The following ERBB4 variants were observed in gnomAD, a reference collection of about 807,000 sequenced individuals.
ERBB4 encodes the protein erb-b2 receptor tyrosine kinase 4, also known as receptor tyrosine-protein kinase erbB-4.
In ERBB4, 42 loss-of-function variants were observed where a neutral mutation model predicts 158.0. The ratio of observed to expected loss-of-function variants is 0.27; its 90% CI spans 0.21 to 0.34. The LOEUF is 0.34. Ranked by LOEUF, ERBB4 falls within the 10% of genes least tolerant of loss-of-function variation. ERBB4 has a pLI of 1.00. For missense variants in ERBB4, 1,333 were observed against 1,624.1 expected (o/e 0.82, Z 3.08); for synonymous variants, 583 against 558.7 (o/e 1.04, Z -0.61).
At chr2:211,662,958 C>T (rs546752303) in intron 15 of ERBB4, among the ~76,000 whole-genome samples, 18 of 152,164 alleles carry the variant, frequency 1.2e-4, no homozygotes, top group Non-Finnish European at 2.4e-4. Context: ...TGAGCTCACA[C>T]TTACTGATAG....
chr2:211,608,300 G>A lies in ERBB4; in HGVS notation c.2301+10877C>T, dbSNP rs573347514. Among the ~76,000 whole-genome samples the A allele has an allele frequency of 2.0e-5, 3 of 152,196 alleles. No individual in the cohort carries two copies. The South Asian group carries it at 6.2e-4, about 32-fold the overall frequency. On this transcript the variant is annotated intron_variant, in intron 19 of 27. Coordinates refer to ENST00000342788, the MANE Select transcript of ERBB4 (RefSeq NM_005235.3). ...CTCAGAAGAAACAAAACTTTTGACT[G>A]AACTGCCACAGGTATTGTTACATGT...
At position 211,470,936 on chromosome 2, in the gene ERBB4, G is replaced by A. The variant is rs1306311957; in HGVS notation, c.2488-39836C>T. Among the ~76,000 whole-genome samples the A allele has an allele frequency of 3.9e-5, 6 of 152,172 alleles. No homozygotes were observed. The East Asian group carries it at 9.6e-4, about 24-fold the overall frequency. On this transcript the variant is annotated intron_variant, in intron 20 of 27. Coordinates refer to ENST00000342788, the MANE Select transcript of ERBB4 (RefSeq NM_005235.3). ...TCTATTTCTCCATCTCCTTAAATCTGAGTGTGCCCTTCAACCATTTGGACA... is the reference window on the plus strand; with the variant it reads ...TCTATTTCTCCATCTCCTTAAATCTAAGTGTGCCCTTCAACCATTTGGACA...
intron 1 of ERBB4, among the ~76,000 whole-genome samples, chr2:212,327,724 T>C (rs866087787): frequency 0.026 from 933 of 36,174 alleles, 5 homozygotes; most frequent in African/African-American, 0.077. Flanking sequence ...TTTTTTCTTT[T>C]TTTCTTTTTT....
chr2:211,552,235 A>C (rs2067117805), intron 20 of ERBB4, among the ~76,000 whole-genome samples: 1 of 152,178 alleles, frequency 6.6e-6, no homozygotes, highest in South Asian at 2.1e-4. Context: ...AAAATTGAGA[A>C]AGTCTATTAA....
chr2:212,188,468 T>G (rs963042256), intron 1 of ERBB4, among the ~76,000 whole-genome samples: 1 of 151,680 alleles, frequency 6.6e-6, no homozygotes, highest in South Asian at 2.1e-4. Context: ...TTCTGTTCTC[T>G]CCACTGTAAC....
At chr2:211,978,396 G>GTCTGTCTTTCTATCTA (rs77259627) in intron 2 of ERBB4, among the ~76,000 whole-genome samples, 17 of 136,560 alleles carry the variant, frequency 1.2e-4, no homozygotes, top group East Asian at 2.1e-4. Context: ...CTGTCTGTCT[G>GTCTGTCTTTCTATCTA]TCTATCTATC....
intron 3 of ERBB4, among the ~76,000 whole-genome samples, chr2:211,906,130 T>G (rs2079386287): frequency 6.6e-6 from 1 of 152,022 alleles, no homozygotes; most frequent in South Asian, 2.1e-4. Flanking sequence ...AATAGACTGT[T>G]GGAAGGCAAG....
intron 1 of ERBB4, among the ~76,000 whole-genome samples, chr2:212,315,402 C>A (rs1366082147): frequency 6.6e-6 from 1 of 151,328 alleles, no homozygotes; most frequent in Non-Finnish European, 1.5e-5. Context: ...CACACATACA[C>A]AAGTATACAC....
intron 3 of ERBB4, among the ~76,000 whole-genome samples, chr2:211,852,792 T>C (rs1238401881): frequency 6.6e-6 from 1 of 151,930 alleles, no homozygotes; most frequent in East Asian, 1.9e-4. Context: ...GGGCTCCTAC[T>C]ACTTGCTGCA....
chr2:212,083,658 C>T (rs1292676260), intron 2 of ERBB4, among the ~76,000 whole-genome samples: 5 of 151,650 alleles, frequency 3.3e-5, no homozygotes, highest in Admixed American at 1.3e-4. Context: ...AAAACAATGC[C>T]AGACAAACCT....
rs945456739 is a variant in ERBB4 at position 212,130,252 on chromosome 2, C to T, written c.83-5349G>A. ...CAAAAATCCAAAATTTACATGTGAT[C>T]CCTAAAGTTTTCATTCCAAATGTAA... On this transcript the variant is annotated intron_variant, in intron 1 of 27. Transcript: ENST00000342788. Among the ~76,000 whole-genome samples, 3 of 152,062 alleles carry T rather than the reference C, an allele frequency of 2.0e-5. No homozygotes were observed. The East Asian group carries it at 5.8e-4, about 29-fold the overall frequency.
chr2:212,066,857 CTA>C (rs1372338742), intron 2 of ERBB4, among the ~76,000 whole-genome samples: 1 of 151,782 alleles, frequency 6.6e-6, no homozygotes, highest in Non-Finnish European at 1.5e-5. Flanking sequence ...TTTCCAATAG[CTA>C]TGAGTTCATT....
chr2:211,678,952 G>T, intron 13 of ERBB4, 100 bp downstream of exon 13: 1 of 1,132,030 alleles, frequency 8.8e-7, no homozygotes, highest in East Asian at 3.0e-5. Context: ...GGGCGACAGA[G>T]CGAGACTCCG....
intron 3 of ERBB4, among the ~76,000 whole-genome samples, chr2:211,868,990 T>C (rs1470588404): frequency 1.3e-5 from 2 of 152,216 alleles, no homozygotes; most frequent in Non-Finnish European, 2.9e-5. Context: ...ATAAACATCA[T>C]TATGTTGCTC....
chr2:212,009,132 T>TA (rs2076324610), intron 2 of ERBB4, among the ~76,000 whole-genome samples: 2 of 152,014 alleles, frequency 1.3e-5, no homozygotes, highest in African/African-American at 4.8e-5. Flanking sequence ...ATAACTTCTG[T>TA]AGTATGTTGA....
chr2:212,435,758 T>A (rs1029197914), intron 1 of ERBB4, among the ~76,000 whole-genome samples: 1 of 151,974 alleles, frequency 6.6e-6, no homozygotes, highest in African/African-American at 2.4e-5. Flanking sequence ...TAAGAAAACA[T>A]AGTCTTAAAA....
intron 1 of ERBB4, among the ~76,000 whole-genome samples, chr2:212,266,395 G>C (rs941235463): frequency 1.3e-5 from 2 of 151,878 alleles, no homozygotes; most frequent in Non-Finnish European, 1.5e-5. Flanking sequence ...ATCAAACAAG[G>C]ACTGTTGTTA....
At chr2:211,974,526 C>T (rs1285049458) in intron 2 of ERBB4, among the ~76,000 whole-genome samples, 1 of 152,202 alleles carries the variant, frequency 6.6e-6, no homozygotes, top group Non-Finnish European at 1.5e-5. Flanking sequence ...AGTCTTTCAT[C>T]TCTAAAGTGG....
chr2:212,492,295 G>A (rs1336587382), intron 1 of ERBB4, among the ~76,000 whole-genome samples: 1 of 151,144 alleles, frequency 6.6e-6, no homozygotes, highest in East Asian at 1.9e-4. Flanking sequence ...CAAAGAAATA[G>A]ACCAGATTAT....
Sources: gnomAD v4.1 joint callset for allele counts (sites outside exome capture counted in the v4.1 genomes callset) on GRCh38, gnomAD v4.1.1 for gene constraint, MANE v1.5 for transcripts, NCBI Gene and HGNC (gene_info 2026-07-23, HGNC 2026-07-21) for gene names.